Variants in ABI2 observed in about 807,000 individuals in gnomAD.
ABI2 encodes abelson interactor 2.
Under a neutral mutation model 59.2 loss-of-function variants are expected in ABI2, and 25 were observed. The ratio of observed to expected loss-of-function variants is 0.42; its 90% CI spans 0.31 to 0.59. ABI2 has a LOEUF of 0.59. Ranked by LOEUF, ABI2 falls within the 20% of genes least tolerant of loss-of-function variation. The probability of loss-of-function intolerance (pLI) is 0.14; values close to 1 mark genes in which losing one functional copy is unlikely to be tolerated. For missense variants in ABI2, 545 were observed against 681.8 expected (o/e 0.80, Z 2.23); for synonymous variants, 213 against 235.5 (o/e 0.90, Z 0.87).
In ABI2 at chr2:203,431,865, G is replaced by A. The variant is rs1181060405; in HGVS notation, c.*4513G>A. 3 of 152,132 alleles carry A rather than the reference G, an allele frequency of 2.0e-5. No individual in the cohort carries two copies. The highest frequency in any genetic ancestry group is 7.2e-5 in the African/African-American group (3 of 41,426). 9.4% of individuals were successfully genotyped at this position (152,132 alleles called of 1,614,324 possible). On this transcript the variant is annotated 3_prime_UTR_variant, in exon 12 of 12. Coordinates refer to ENST00000261018, the MANE Select transcript of ABI2 (RefSeq NM_001375670.1). ...AACTTAAGAATTCTATGGAAAAGCA[G>A]TTTTTATCATATTTTGTGTCCATGC...
At position 203,411,469 on chromosome 2, in the gene ABI2, A is replaced by T. The variant is rs553281096; in HGVS notation, c.1279+98A>T. The T allele has an allele frequency of 4.3e-6, 4 of 931,666 alleles. No individual in the cohort carries two copies. In the South Asian group the frequency reaches 6.4e-5, roughly 15 times the overall value. 57.7% of individuals were successfully genotyped at this position (931,666 alleles called of 1,614,324 possible). A position where few individuals can be genotyped will look rare whatever the true frequency, so the allele number is the denominator to read the frequency against. ...ATAGTCATTCATTTGCTGATACTTC[A>T]ACATTTCAATATTATGAACAAATCA... On this transcript the variant is annotated intron_variant, in intron 10 of 11. Transcript: ENST00000261018.
intron 1 of ABI2, among the ~76,000 whole-genome samples, chr2:203,345,370 A>G (rs1453627975): frequency 1.3e-5 from 2 of 152,170 alleles, no homozygotes; most frequent in Admixed American, 6.5e-5. Context: ...CAAACTCCGG[A>G]CACACCATCT....
At chr2:203,379,724 G>A (rs538623062) in intron 2 of ABI2, among the ~76,000 whole-genome samples, 1 of 152,272 alleles carries the variant, frequency 6.6e-6, no homozygotes, top group Admixed American at 6.5e-5. Context: ...CCCAGGGGTT[G>A]GCAAACCTTT....
chr2:203,383,756 G>T (rs1238040694), intron 4 of ABI2, among the ~76,000 whole-genome samples: 1 of 152,182 alleles, frequency 6.6e-6, no homozygotes, highest in Non-Finnish European at 1.5e-5. Context: ...GAAGTCTCCT[G>T]ATGAGCAATA....
chr2:203,374,562 A>G (rs2095550759), intron 2 of ABI2, among the ~76,000 whole-genome samples: 1 of 151,998 alleles, frequency 6.6e-6, no homozygotes, highest in Non-Finnish European at 1.5e-5. Flanking sequence ...GAAGGTTATC[A>G]ATACGTAATT....
Position 203,429,189 on chromosome 2 carries a change from C to T in ABI2, c.*1837C>T, listed in dbSNP as rs1268823142. 6.6e-6 allele frequency: 1 copy of T among 152,136 alleles called. No homozygotes were observed. Among genetic ancestry groups the T allele is most frequent in the South Asian group, 2.1e-4 (1 of 4,818 alleles). 9.4% of individuals were successfully genotyped at this position (152,136 alleles called of 1,614,324 possible). ...TTATTAGCTTTCATTAACTTGCCTC[C>T]AGTATACATTCCACTTCGTGCTTTT... On this transcript the variant is annotated 3_prime_UTR_variant, in exon 12 of 12. Coordinates refer to ENST00000261018, the MANE Select transcript of ABI2 (RefSeq NM_001375670.1).
chr2:203,354,592 G>A (rs1195283145), intron 1 of ABI2, among the ~76,000 whole-genome samples: 1 of 152,220 alleles, frequency 6.6e-6, no homozygotes, highest in Non-Finnish European at 1.5e-5. Flanking sequence ...GGCAAAAGAT[G>A]TGAGACTTCT....
chr2:203,337,577 A>G (rs1032811299), intron 1 of ABI2, among the ~76,000 whole-genome samples: 17 of 152,378 alleles, frequency 1.1e-4, no homozygotes, highest in African/African-American at 3.8e-4. Context: ...AAAGCCATCT[A>G]CAGATTTAAT....
chr2:203,395,629 A>G (rs560093339), intron 6 of ABI2, 27 bp from the exon 7 acceptor site: 2 of 1,597,734 alleles, frequency 1.3e-6, no homozygotes, highest in East Asian at 2.3e-5. Context: ...ATAAATACTC[A>G]TGTTTTGGTG....
chr2:203,374,236 C>T (rs1352460943), intron 2 of ABI2, among the ~76,000 whole-genome samples: 5 of 151,044 alleles, frequency 3.3e-5, no homozygotes, highest in African/African-American at 2.4e-5. Flanking sequence ...CCGTGGCTCA[C>T]GCCTGTAATC....
chr2:203,351,705 T>C, intron 1 of ABI2: 1 of 304,902 alleles, frequency 3.3e-6, no homozygotes, highest in Non-Finnish European at 6.4e-6. Context: ...CCGGCTGATT[T>C]TCGTATTTTT....
chr2:203,350,753 T>C (rs915827258), intron 1 of ABI2, among the ~76,000 whole-genome samples: 23 of 151,956 alleles, frequency 1.5e-4, no homozygotes, highest in African/African-American at 5.6e-4. Flanking sequence ...TTGGCCAGGC[T>C]GGTCTCGAAC....
chr2:203,393,754 C>G (rs1289796009), intron 5 of ABI2, among the ~76,000 whole-genome samples: 1 of 152,176 alleles, frequency 6.6e-6, no homozygotes, highest in Non-Finnish European at 1.5e-5. Context: ...ATTTTCACAT[C>G]TTGATCAGTT....
chr2:203,409,577 T>C (rs2097571887), intron 9 of ABI2, among the ~76,000 whole-genome samples: 1 of 152,172 alleles, frequency 6.6e-6, no homozygotes, highest in African/African-American at 2.4e-5. Flanking sequence ...AGGGTAAAAA[T>C]CTAAGAATGA....
At chr2:203,368,238 A>G (rs947527012) in intron 2 of ABI2, among the ~76,000 whole-genome samples, 2 of 152,166 alleles carry the variant, frequency 1.3e-5, no homozygotes, top group Admixed American at 6.5e-5. Flanking sequence ...TGAAAAACCA[A>G]TTAAGTTGTA....
chr2:203,377,306 C>A (rs148377400), intron 2 of ABI2, among the ~76,000 whole-genome samples: 1 of 151,848 alleles, frequency 6.6e-6, no homozygotes, highest in Non-Finnish European at 1.5e-5. Context: ...AGAGTGAGAA[C>A]CTGTTGCAAA....
chr2:203,389,639 A>T (rs2096663660), intron 4 of ABI2, among the ~76,000 whole-genome samples: 1 of 152,224 alleles, frequency 6.6e-6, no homozygotes, highest in South Asian at 2.1e-4. Flanking sequence ...TACTCTAGCC[A>T]TATTATTTTT....
intron 1 of ABI2, among the ~76,000 whole-genome samples, chr2:203,358,115 T>TGTGTGTGTGTGTGTG (rs57591649): frequency 6.3e-4 from 40 of 63,482 alleles, no homozygotes; most frequent in East Asian, 1.6e-3. Flanking sequence ...GTGTGTGTGT[T>TGTGTGTGTGTGTGTG]TGTTTGTTTG....
intron 1 of ABI2, among the ~76,000 whole-genome samples, chr2:203,345,943 G>A (rs1367180482): frequency 6.6e-6 from 1 of 151,796 alleles, no homozygotes; most frequent in Non-Finnish European, 1.5e-5. Flanking sequence ...ACTTTAGGAG[G>A]CCGAGGCGGG....
Sources: gnomAD v4.1 joint callset for allele counts (sites outside exome capture counted in the v4.1 genomes callset) on GRCh38, gnomAD v4.1.1 for gene constraint, MANE v1.5 for transcripts, NCBI Gene and HGNC (gene_info 2026-07-23, HGNC 2026-07-21) for gene names.